MUC13: variants seen among roughly 807,000 people sequenced by gnomAD.
MUC13 encodes mucin 13, cell surface associated, also known as mucin-13.
A neutral mutation model predicts 48.3 loss-of-function variants in MUC13; 32 were observed. That is an observed-to-expected ratio of 0.66 (90% CI 0.50 to 0.89). The LOEUF (loss-of-function observed/expected upper bound fraction) is 0.89, where lower values mean the gene tolerates loss of function less well. Ranked by LOEUF, MUC13 falls within the 40% of genes least tolerant of loss-of-function variation. The pLI is 0.00. For missense variants in MUC13, 571 were observed against 622.8 expected, an observed-to-expected ratio of 0.92 and a Z score of 0.88; for synonymous variants, 199 against 224.9, an observed-to-expected ratio of 0.88 and a Z score of 1.03.
In MUC13 at chr3:124,913,227, C is replaced by T. The variant is rs1935455285; in HGVS notation, c.1098G>A (p.Lys366=). Residue 366 remains lysine (K), a synonymous_variant, in exon 8 of 12, where the codon AAG becomes AAA. Coordinates refer to ENST00000616727, the MANE Select transcript of MUC13 (RefSeq NM_033049.4). ...QSPFCVASSL[K]CPDACNAQHK... Reference sequence around the variant, plus strand: ...GCTGTGCGTTGCAGGCATCAGGACACTTGAGACTGGAAGCTTCAAAACAGA... The same window carrying T: ...GCTGTGCGTTGCAGGCATCAGGACATTTGAGACTGGAAGCTTCAAAACAGA... 2 of 1,611,014 alleles carry T rather than the reference C, an allele frequency of 1.2e-6. No homozygotes were observed. Among genetic ancestry groups the T allele is most frequent in the Middle Eastern group, 1.7e-4 (1 of 6,050 alleles).
intron 1 of MUC13, 34 bp from the exon 2 acceptor site, chr3:124,928,027 A>C (rs1437718613): frequency 7.1e-7 from 1 of 1,414,638 alleles, no homozygotes. Flanking sequence ...TTGAGGAGAC[A>C]GTACATTGAA....
intron 5 of MUC13, 129 bp downstream of exon 5, chr3:124,920,105 G>T: frequency 1.2e-6 from 1 of 810,542 alleles, no homozygotes; most frequent in Non-Finnish European, 2.1e-6. Flanking sequence ...TGCTCAGACT[G>T]AGACTGACCC....
chr3:124,922,431 T>A (rs1343907529), intron 3 of MUC13, 128 bp from the exon 4 acceptor site: 1 of 1,256,420 alleles, frequency 8.0e-7, no homozygotes, highest in Non-Finnish European at 1.1e-6. Context: ...AATCTGGAAA[T>A]ATTTTAAAAG....
At chr3:124,932,023 C>T (rs1935807777) in intron 1 of MUC13, among the ~76,000 whole-genome samples, 1 of 151,862 alleles carries the variant, frequency 6.6e-6, no homozygotes, top group South Asian at 2.1e-4. Context: ...CCAGCCTGGG[C>T]AACAAGAACA....
chr3:124,915,105 A>C (rs1935488695), intron 6 of MUC13, among the ~76,000 whole-genome samples: 1 of 152,192 alleles, frequency 6.6e-6, no homozygotes, highest in African/African-American at 2.4e-5. Flanking sequence ...AAAGTCAAAT[A>C]AGTTGTGGCT....
chr3:124,915,079 T>G (rs1935488207), intron 6 of MUC13, among the ~76,000 whole-genome samples: 1 of 152,130 alleles, frequency 6.6e-6, no homozygotes, highest in Non-Finnish European at 1.5e-5. Context: ...AGGATACTAG[T>G]GTCAAATGCT....
chr3:124,924,074 A>G (rs1315205722), intron 2 of MUC13, among the ~76,000 whole-genome samples: 2 of 152,194 alleles, frequency 1.3e-5, no homozygotes, highest in Admixed American at 1.3e-4. Context: ...ATTGTCATAT[A>G]GGAAGAAACA....
In MUC13 at chr3:124,920,283, C is replaced by A. The variant is rs1385926828; in HGVS notation, c.751G>T (p.Asp251Tyr). ...LHSEITSLFK[D>Y]VFGTSVYGQT... ...CCATAAACAGATGTGCCAAATACAT[C>A]TTTAAACTGTGGAGGAAAACAGATT... The change falls in exon 5 of 12, where the codon GAT becomes TAT. Residue 251 changes from aspartate to tyrosine, a missense_variant. Coordinates refer to ENST00000616727, the MANE Select transcript of MUC13 (RefSeq NM_033049.4). 7 of 1,603,286 alleles carry A rather than the reference C, an allele frequency of 4.4e-6. No individual in the cohort carries two copies. The highest frequency in any genetic ancestry group is 5.1e-6 in the Non-Finnish European group (6 of 1,174,232).
intron 3 of MUC13, 110 bp from the exon 4 acceptor site, chr3:124,922,413 C>T (rs1935613873): frequency 3.8e-6 from 5 of 1,315,408 alleles, no homozygotes; most frequent in Middle Eastern, 2.0e-4. Context: ...TATAACGACA[C>T]TACAGGAAAT....
chr3:124,932,560 C>A (rs541297590), intron 1 of MUC13, among the ~76,000 whole-genome samples: 1 of 149,440 alleles, frequency 6.7e-6, no homozygotes, highest in African/African-American at 2.5e-5. Context: ...GAGTGAAACT[C>A]GGTCTCAAAA....
At chr3:124,934,612 A>G in intron 1 of MUC13, 49 bp downstream of exon 1, 1 of 1,359,088 alleles carries the variant, frequency 7.4e-7, no homozygotes, top group Non-Finnish European at 1.1e-6. Flanking sequence ...TTCTACCTCA[A>G]AGACAACATA....
intron 1 of MUC13, among the ~76,000 whole-genome samples, chr3:124,930,997 G>C (rs150967819): frequency 1.2e-4 from 18 of 152,204 alleles, no homozygotes; most frequent in African/African-American, 4.3e-4. Context: ...ACAAGGCATA[G>C]GGGTGAGGAG....
intron 9 of MUC13, 87 bp from the exon 10 acceptor site, chr3:124,910,586 C>T (rs888328788): frequency 3.2e-6 from 5 of 1,557,350 alleles, no homozygotes; most frequent in Non-Finnish European, 4.4e-6. Context: ...CCAGGGACTC[C>T]TAGCTGTGAA....
intron 6 of MUC13, among the ~76,000 whole-genome samples, chr3:124,915,670 T>C (rs1167344039): frequency 6.6e-6 from 1 of 152,128 alleles, no homozygotes. Context: ...ACATGGTGGG[T>C]TCGTGTGTGT....
At position 124,910,352 on chromosome 3, in the gene MUC13, A is replaced by G. The variant is rs529810131; in HGVS notation, c.1337+63T>C. On this transcript the variant is annotated intron_variant, in intron 10 of 11. Transcript: ENST00000616727. ...AGTTCGAGACCAACATGGGCAACAT[A>G]GTGAGACCCCCCCATCTCTCTATAA... is the stretch of plus-strand genomic sequence containing the variant. 4 of 1,579,110 alleles carry G rather than the reference A, an allele frequency of 2.5e-6. No individual in the cohort carries two copies. The African/African-American group carries it at 5.5e-5, about 22-fold the overall frequency.
At chr3:124,911,134 T>C (rs1935414213) in intron 9 of MUC13, among the ~76,000 whole-genome samples, 1 of 152,272 alleles carries the variant, frequency 6.6e-6, no homozygotes, top group African/African-American at 2.4e-5. Context: ...TTTGGATATA[T>C]AGATTAAATA....
At chr3:124,927,150 A>G (rs541927327) in intron 2 of MUC13, among the ~76,000 whole-genome samples, 1 of 152,286 alleles carries the variant, frequency 6.6e-6, no homozygotes, top group South Asian at 2.1e-4. Flanking sequence ...AGAGAGCTAG[A>G]CCAGTGGTGC....
At chr3:124,934,473 T>C (rs1262277019) in intron 1 of MUC13, among the ~76,000 whole-genome samples, 188 bp downstream of exon 1, 1 of 152,194 alleles carries the variant, frequency 6.6e-6, no homozygotes, top group Non-Finnish European at 1.5e-5. Flanking sequence ...AGACCACTTT[T>C]GCTATTGCTC....
chr3:124,922,103 C>A, intron 4 of MUC13, 94 bp downstream of exon 4: 1 of 1,412,732 alleles, frequency 7.1e-7, no homozygotes, highest in Non-Finnish European at 9.6e-7. Context: ...TACGATGGTA[C>A]GAGCGTGAAC....
Sources: gnomAD v4.1 joint callset for allele counts (sites outside exome capture counted in the v4.1 genomes callset) on GRCh38, gnomAD v4.1.1 for gene constraint, MANE v1.5 for transcripts, NCBI Gene and HGNC (gene_info 2026-07-23, HGNC 2026-07-21) for gene names.